NDST3: variants seen among roughly 807,000 people sequenced by gnomAD.
NDST3 encodes the protein N-deacetylase and N-sulfotransferase 3.
A neutral mutation model predicts 96.1 loss-of-function variants in NDST3; 58 were observed. The ratio of observed to expected loss-of-function variants is 0.60; its 90% CI spans 0.49 to 0.75. The LOEUF (loss-of-function observed/expected upper bound fraction) is 0.75. Among genes scored for constraint, NDST3 ranks in the 30% least tolerant of loss-of-function variants. NDST3 has a pLI of 0.00. For missense variants in NDST3, 788 were observed against 1,034.2 expected (o/e 0.76, Z 3.27); for synonymous variants, 333 against 359.7 (o/e 0.93, Z 0.84).
intron 5 of NDST3, among the ~76,000 whole-genome samples, chr4:118,141,197 A>C (rs1733546692): frequency 6.6e-6 from 1 of 152,196 alleles, no homozygotes; most frequent in African/African-American, 2.4e-5. Flanking sequence ...TCAGGGGTTC[A>C]TCGGCATCTC....
chr4:118,088,612 G>C (rs1560633951), intron 2 of NDST3, among the ~76,000 whole-genome samples: 1 of 152,004 alleles, frequency 6.6e-6, no homozygotes, highest in Non-Finnish European at 1.5e-5. Flanking sequence ...ATAACCCATA[G>C]TAGCAAGCTT....
intron 2 of NDST3, among the ~76,000 whole-genome samples, chr4:118,101,320 G>C (rs1164238481): frequency 6.8e-6 from 1 of 146,826 alleles, no homozygotes; most frequent in African/African-American, 2.5e-5. Flanking sequence ...TCTTCAACTA[G>C]ATATTTTAAT....
intron 12 of NDST3, among the ~76,000 whole-genome samples, chr4:118,246,482 T>C (rs1338649875): frequency 6.6e-6 from 1 of 152,156 alleles, no homozygotes; most frequent in African/African-American, 2.4e-5. Context: ...GGCAGGCACC[T>C]GTAGTCCCAG....
At chr4:118,040,715 C>T (rs1297480468) in intron 1 of NDST3, among the ~76,000 whole-genome samples, 2 of 151,522 alleles carry the variant, frequency 1.3e-5, no homozygotes, top group African/African-American at 4.8e-5. Flanking sequence ...CAGGATTTTA[C>T]TCTGTCGCCC....
At chr4:118,207,394 C>G (rs1320421438) in intron 6 of NDST3, among the ~76,000 whole-genome samples, 2 of 144,682 alleles carry the variant, frequency 1.4e-5, no homozygotes, top group Non-Finnish European at 3.1e-5. Context: ...CATGTTATGG[C>G]ATGAAGCAGA....
chr4:118,139,389 G>A (rs1421480506), intron 5 of NDST3, among the ~76,000 whole-genome samples: 1 of 152,232 alleles, frequency 6.6e-6, no homozygotes, highest in Non-Finnish European at 1.5e-5. Flanking sequence ...TGATGGAACT[G>A]TCCCTGTGGA....
intron 2 of NDST3, among the ~76,000 whole-genome samples, chr4:118,081,161 G>T (rs1028449879): frequency 6.6e-6 from 1 of 152,184 alleles, no homozygotes; most frequent in African/African-American, 2.4e-5. Context: ...GATGTGAACA[G>T]GGTCAGGTGA....
chr4:118,247,389 T>C (rs1741385482), intron 12 of NDST3, among the ~76,000 whole-genome samples: 1 of 151,934 alleles, frequency 6.6e-6, no homozygotes. Context: ...CCAGTTCTAC[T>C]AAAAATACAA....
At chr4:118,188,263 C>T (rs2125961392) in intron 6 of NDST3, among the ~76,000 whole-genome samples, 1 of 148,370 alleles carries the variant, frequency 6.7e-6, no homozygotes, top group Admixed American at 6.7e-5. Flanking sequence ...AGTTACACCA[C>T]CTATAAATAT....
At chr4:118,221,750 A>G (rs189760421) in intron 6 of NDST3, among the ~76,000 whole-genome samples, 13 of 152,184 alleles carry the variant, frequency 8.5e-5, no homozygotes, top group Non-Finnish European at 1.0e-4. Flanking sequence ...ATACACATCT[A>G]TATCTCACAG....
chr4:118,067,252 C>A (rs1726663363), intron 2 of NDST3, among the ~76,000 whole-genome samples: 1 of 151,714 alleles, frequency 6.6e-6, no homozygotes, highest in South Asian at 2.1e-4. Context: ...ATAATGAAAA[C>A]CCATTTTAAC....
At chr4:118,147,645 C>T (rs562638206) in intron 6 of NDST3, among the ~76,000 whole-genome samples, 20 of 152,098 alleles carry the variant, frequency 1.3e-4, no homozygotes, top group Admixed American at 8.5e-4. Flanking sequence ...GGAACTAGTA[C>T]GACTATAGTG....
intron 1 of NDST3, among the ~76,000 whole-genome samples, chr4:118,041,324 T>C (rs1313126847): frequency 6.6e-6 from 1 of 152,164 alleles, no homozygotes; most frequent in Non-Finnish European, 1.5e-5. Flanking sequence ...TCAGTACCTA[T>C]GTAAATGTTT....
chr4:118,240,175 G>T (rs545380549), intron 10 of NDST3, among the ~76,000 whole-genome samples: 2 of 151,706 alleles, frequency 1.3e-5, no homozygotes, highest in South Asian at 2.1e-4. Context: ...CACTATAAAT[G>T]GTTTGCTTAT....
chr4:118,088,291 G>A (rs1728591727), intron 2 of NDST3, among the ~76,000 whole-genome samples: 1 of 152,024 alleles, frequency 6.6e-6, no homozygotes, highest in Admixed American at 6.6e-5. Flanking sequence ...GTTATCTTCA[G>A]TTACTCATGT....
chr4:118,046,003 T>C (rs1724741354), intron 1 of NDST3, among the ~76,000 whole-genome samples: 1 of 151,582 alleles, frequency 6.6e-6, no homozygotes, highest in Non-Finnish European at 1.5e-5. Flanking sequence ...AAAGAAGTGC[T>C]ACTCCCACGG....
At position 118,118,672 on chromosome 4, in the gene NDST3, G is replaced by A. The variant is rs1334698569; in HGVS notation, c.1224+3712G>A. Reference sequence around the variant, plus strand: ...CCCATCAGGAAATGCAGCTTTAGAGGTTGAATGGAAAAAATTTTTAGTTAC... The same window carrying A: ...CCCATCAGGAAATGCAGCTTTAGAGATTGAATGGAAAAAATTTTTAGTTAC... On this transcript the variant is annotated intron_variant, in intron 4 of 13. Coordinates refer to ENST00000296499, the MANE Select transcript of NDST3 (RefSeq NM_004784.3). 2.0e-5 allele frequency among the ~76,000 whole-genome samples: 3 copies of A among 152,092 alleles called. No individual in the cohort carries two copies. The East Asian group carries it at 5.8e-4, about 29-fold the overall frequency.
chr4:118,229,258 A>G (rs552043467), intron 8 of NDST3, among the ~76,000 whole-genome samples: 5 of 152,230 alleles, frequency 3.3e-5, no homozygotes, highest in Non-Finnish European at 5.9e-5. Context: ...CCAAGATCGC[A>G]TCACTGCACT....
intron 1 of NDST3, among the ~76,000 whole-genome samples, chr4:118,040,867 T>A (rs13110631): frequency 0.061 from 2,616 of 42,632 alleles, 89 homozygotes; most frequent in African/African-American, 0.089. Flanking sequence ...TTATATATTT[T>A]TATATATATA....
Sources: gnomAD v4.1 joint callset for allele counts (sites outside exome capture counted in the v4.1 genomes callset) on GRCh38, gnomAD v4.1.1 for gene constraint, MANE v1.5 for transcripts, NCBI Gene and HGNC (gene_info 2026-07-23, HGNC 2026-07-21) for gene names.